HEPACAM2: variants seen among roughly 807,000 people sequenced by gnomAD.
The protein encoded by HEPACAM2 is mitotic kinetics regulator.
Under a neutral mutation model 49.6 loss-of-function variants are expected in HEPACAM2, and 49 were observed. The ratio of observed to expected loss-of-function variants is 0.99; its 90% CI spans 0.78 to 1.25. The LOEUF (loss-of-function observed/expected upper bound fraction) is 1.25. HEPACAM2 is among the 50% of genes most tolerant of loss of function. The pLI is 0.00. For missense variants in HEPACAM2, 525 were observed against 557.2 expected (o/e 0.94, Z 0.58); for synonymous variants, 197 against 202.9 (o/e 0.97, Z 0.25).
rs755205980 is a variant in HEPACAM2, at chr7:93,226,415, C to T, written c.32G>A (p.Gly11Asp). The T allele has an allele frequency of 2.5e-6, 4 of 1,613,518 alleles. No individual in the cohort carries two copies. Among genetic ancestry groups the T allele is most frequent in the South Asian group, 2.2e-5 (2 of 91,074 alleles). Residue 11 changes from glycine to aspartate, a missense_variant, in exon 1 of 10, where the codon GGT (glycine) becomes GAT (aspartate). Transcript: ENST00000394468. MGQDAFMEPF[G>D]DTLGVFQCKI... ...GCACTGAAAGACCCCAAGTGTGTCACCGAAGGGCTCCATGAAAGCATCCTG... is the reference window on the plus strand; with the variant it reads ...GCACTGAAAGACCCCAAGTGTGTCATCGAAGGGCTCCATGAAAGCATCCTG...
chr7:93,225,792 G>A, intron 1 of HEPACAM2: 1 of 545,644 alleles, frequency 1.8e-6, no homozygotes, highest in South Asian at 3.4e-5. Context: ...ATTGGGCAAA[G>A]AGAAAAGCTA....
intron 4 of HEPACAM2, among the ~76,000 whole-genome samples, chr7:93,201,416 A>G (rs553471247): frequency 6.6e-6 from 1 of 152,070 alleles, no homozygotes; most frequent in African/African-American, 2.4e-5. Flanking sequence ...GTCCTAATTT[A>G]GATTAATCAG....
At chr7:93,228,273 CCT>C (rs773534819), upstream of HEPACAM2, among the ~76,000 whole-genome samples, 85 of 152,026 alleles carry the variant, frequency 5.6e-4, 1 homozygote, top group Admixed American at 4.6e-4. Context: ...GAAAATATTC[CCT>C]GTTTCATGAC....
At chr7:93,227,915 A>G (rs1584360906), upstream of HEPACAM2, among the ~76,000 whole-genome samples, 2 of 152,358 alleles carry the variant, frequency 1.3e-5, no homozygotes, top group South Asian at 4.1e-4. Context: ...TCTCCAGAAA[A>G]CAAAACTCTA....
chr7:93,219,189 G>A lies in HEPACAM2; in HGVS notation c.342C>T (p.Phe114=), dbSNP rs555587403. The change falls in exon 2 of 10, where the codon TTC becomes TTT. Residue 114 remains phenylalanine, a synonymous_variant. Coordinates refer to ENST00000394468, the MANE Select transcript of HEPACAM2 (RefSeq NM_001039372.4). ...TCACGATGTAATTGCCTTCATCAGG[G>A]AACTGCAGTGGGTTGATAAGCAGAG... ...NASLLINPLQ[F]PDEGNYIVKV... is the part of the protein sequence containing the mutation. 1.9e-6 allele frequency: 3 copies of A among 1,613,852 alleles called. No individual in the cohort carries two copies. The South Asian group carries it at 3.3e-5, about 18-fold the overall frequency.
chr7:93,197,728 A>G, intron 4 of HEPACAM2, 118 bp from the exon 5 acceptor site: 1 of 661,938 alleles, frequency 1.5e-6, no homozygotes, highest in Non-Finnish European at 2.5e-6. Flanking sequence ...CACGTATATT[A>G]GAGACACACA....
chr7:93,230,998 A>G (rs944768379), upstream of HEPACAM2, among the ~76,000 whole-genome samples: 1 of 152,256 alleles, frequency 6.6e-6, no homozygotes, highest in Non-Finnish European at 1.5e-5. Flanking sequence ...ATCCTTACAA[A>G]GCCCTATATA....
chr7:93,216,965 A>G (rs970163933), intron 2 of HEPACAM2, among the ~76,000 whole-genome samples: 6 of 152,192 alleles, frequency 3.9e-5, no homozygotes, highest in African/African-American at 1.2e-4. Flanking sequence ...AAGATAGAAG[A>G]AAGTGAAAGA....
chr7:93,203,381 C>T (rs1488834008), intron 4 of HEPACAM2, among the ~76,000 whole-genome samples: 1 of 152,100 alleles, frequency 6.6e-6, no homozygotes, highest in Non-Finnish European at 1.5e-5. Context: ...GTCTCAGCTG[C>T]AGGCAAGTGT....
At chr7:93,202,874 A>G (rs1466193046) in intron 4 of HEPACAM2, among the ~76,000 whole-genome samples, 2 of 152,120 alleles carry the variant, frequency 1.3e-5, no homozygotes, top group African/African-American at 4.8e-5. Context: ...GATGTCTTAG[A>G]CTAGATAAGA....
At chr7:93,219,974 TA>T (rs896431992) in intron 1 of HEPACAM2, among the ~76,000 whole-genome samples, 6 of 152,184 alleles carry the variant, frequency 3.9e-5, no homozygotes, top group African/African-American at 9.6e-5. Context: ...AGAGTGGTAT[TA>T]AACCATTATC....
intron 2 of HEPACAM2, among the ~76,000 whole-genome samples, chr7:93,217,876 C>CTGTGTGTGTGTGTG (rs138044928): frequency 1.4e-5 from 2 of 140,094 alleles, no homozygotes; most frequent in Non-Finnish European, 3.1e-5. Context: ...GCATGTGTGT[C>CTGTGTGTGTGTGTG]TGTGTGTGTG....
At chr7:93,192,231 A>G in intron 9 of HEPACAM2, 23 bp downstream of exon 9, 1 of 1,552,066 alleles carries the variant, frequency 6.4e-7, no homozygotes, top group Non-Finnish European at 8.9e-7. Flanking sequence ...CCATAGCACC[A>G]TCAAATGCAG....
chr7:93,196,747 C>G (rs184439879), intron 7 of HEPACAM2, among the ~76,000 whole-genome samples: 1 of 152,246 alleles, frequency 6.6e-6, no homozygotes, highest in African/African-American at 2.4e-5. Flanking sequence ...TATAATAAGT[C>G]AGTACAGTCA....
intron 9 of HEPACAM2, 120 bp downstream of exon 9, chr7:93,192,134 C>T (rs1022835171): frequency 7.7e-6 from 5 of 645,612 alleles, no homozygotes; most frequent in Non-Finnish European, 1.3e-5. Flanking sequence ...TTCAAATGTA[C>T]AGAAGCTATA....
intron 1 of HEPACAM2, among the ~76,000 whole-genome samples, chr7:93,222,417 T>C (rs1488783064): frequency 6.6e-6 from 1 of 152,082 alleles, no homozygotes; most frequent in Non-Finnish European, 1.5e-5. Flanking sequence ...CTTGTGTAAA[T>C]ATGAAAATAT....
At chr7:93,198,364 T>A (rs1793790246) in intron 4 of HEPACAM2, among the ~76,000 whole-genome samples, 1 of 152,080 alleles carries the variant, frequency 6.6e-6, no homozygotes, top group Non-Finnish European at 1.5e-5. Context: ...TATTTTATCA[T>A]CCCTTCCAAT....
rs142784565 is a variant in HEPACAM2, at chr7:93,219,374, C to T, written c.157G>A (p.Val53Ile). 164 of 1,613,938 alleles carry T rather than the reference C, an allele frequency of 1.0e-4. 1 individual carries two copies. The African/African-American group carries it at 1.6e-3, about 16-fold the overall frequency. Residue 53 changes from valine to isoleucine, a missense_variant, in exon 2 of 10, where the codon GTC (valine) becomes ATC (isoleucine). Physicochemically the swap from Val to Ile is conservative, Grantham distance 29. Coordinates refer to ENST00000394468, the MANE Select transcript of HEPACAM2 (RefSeq NM_001039372.4). ...GCTGGAGTGTGGAAGCCATAGTGGA[C>T]GGGTAGGTAGAGGGCCTGACCTCTG... ...GVRGQALYLP[V>I]HYGFHTPASD...
intron 4 of HEPACAM2, among the ~76,000 whole-genome samples, chr7:93,198,559 A>G (rs889072792): frequency 6.6e-5 from 10 of 152,292 alleles, no homozygotes; most frequent in South Asian, 4.1e-4. Context: ...GTCAATCTAT[A>G]TAATAGGAAG....
Sources: allele counts gnomAD v4.1 joint callset (sites outside exome capture counted in the v4.1 genomes callset), GRCh38; gene constraint gnomAD v4.1.1; transcripts MANE v1.5; gene names NCBI Gene and HGNC (gene_info 2026-07-23, HGNC 2026-07-21).